The following RGS7 variants were observed in gnomAD, a reference collection of about 807,000 sequenced individuals.
RGS7 encodes regulator of G protein signaling 7, also known as regulator of G-protein signaling 7.
A neutral mutation model predicts 81.1 loss-of-function variants in RGS7; 27 were observed. That is an observed-to-expected ratio of 0.33 (90% CI 0.25 to 0.46). RGS7 has a LOEUF of 0.46. Ranked by LOEUF, RGS7 falls within the 20% of genes least tolerant of loss-of-function variation. RGS7 has a pLI of 1.00. For synonymous variants in RGS7, 208 were observed against 207.7 expected (o/e 1.00, Z -0.01); for missense variants, 396 against 607.4 (o/e 0.65, Z 3.66).
At chr1:241,321,255 T>C (rs1241752775) in intron 2 of RGS7, among the ~76,000 whole-genome samples, 3 of 152,218 alleles carry the variant, frequency 2.0e-5, no homozygotes, top group African/African-American at 7.2e-5. Flanking sequence ...CACTTTTAGA[T>C]ATCTCAAATT....
chr1:241,246,506 G>A (rs931207466), intron 2 of RGS7, among the ~76,000 whole-genome samples: 2 of 152,100 alleles, frequency 1.3e-5, no homozygotes, highest in African/African-American at 4.8e-5. Flanking sequence ...GTACTAATAC[G>A]AAGTTTAAGA....
chr1:241,079,315 G>A (rs574858869), intron 3 of RGS7, among the ~76,000 whole-genome samples: 1 of 152,296 alleles, frequency 6.6e-6, no homozygotes, highest in South Asian at 2.1e-4. Context: ...TGTCTACTGT[G>A]TGCCAAACAC....
chr1:241,265,448 GT>G (rs11296708), intron 2 of RGS7, among the ~76,000 whole-genome samples: 129,098 of 152,108 alleles, frequency 0.85, 54,972 homozygotes, highest in East Asian at 1. Context: ...ACAGAGGAAG[GT>G]TTTTCTGTAG....
At chr1:241,284,054 CATTGCTT>C (rs979709442) in intron 2 of RGS7, among the ~76,000 whole-genome samples, 1 of 152,122 alleles carries the variant, frequency 6.6e-6, no homozygotes, top group Non-Finnish European at 1.5e-5. Flanking sequence ...AGTGTGTTTG[CATTGCTT>C]ATTGAATCAT....
chr1:240,921,836 C>T (rs78175397), intron 6 of RGS7, among the ~76,000 whole-genome samples: 2,001 of 152,082 alleles, frequency 0.013, 33 homozygotes, highest in African/African-American at 0.044. Context: ...TCCAACTTGA[C>T]CTGTGAATTC....
intron 2 of RGS7, among the ~76,000 whole-genome samples, chr1:241,353,832 T>C (rs1264893450): frequency 6.6e-6 from 1 of 151,996 alleles, no homozygotes; most frequent in Non-Finnish European, 1.5e-5. Flanking sequence ...CAACACTGTG[T>C]AGAGTAAACC....
At chr1:241,141,222 G>A (rs2067898245) in intron 2 of RGS7, among the ~76,000 whole-genome samples, 1 of 152,104 alleles carries the variant, frequency 6.6e-6, no homozygotes, top group South Asian at 2.1e-4. Flanking sequence ...GTGAGGGGAA[G>A]AAAGGAATAA....
chr1:241,061,504 G>A (rs894214554), intron 3 of RGS7, among the ~76,000 whole-genome samples: 2 of 152,012 alleles, frequency 1.3e-5, no homozygotes, highest in Non-Finnish European at 2.9e-5. Flanking sequence ...TATTATGTGG[G>A]GTTACACAAT....
At chr1:240,906,713 C>T (rs1232985837) in intron 6 of RGS7, among the ~76,000 whole-genome samples, 1 of 152,154 alleles carries the variant, frequency 6.6e-6, no homozygotes, top group Non-Finnish European at 1.5e-5. Context: ...AACCAGAAAG[C>T]AACAGCAGGG....
At chr1:241,232,682 A>T (rs2075733189) in intron 2 of RGS7, among the ~76,000 whole-genome samples, 1 of 151,894 alleles carries the variant, frequency 6.6e-6, no homozygotes, top group Non-Finnish European at 1.5e-5. Flanking sequence ...TGGAAAAAAA[A>T]AAAAAGGCCT....
intron 6 of RGS7, among the ~76,000 whole-genome samples, chr1:240,892,946 G>A (rs1668500966): frequency 6.6e-6 from 1 of 151,926 alleles, no homozygotes; most frequent in Non-Finnish European, 1.5e-5. Flanking sequence ...AGCTAAATGT[G>A]TTGCAACTAG....
At chr1:240,789,118 C>T (rs1226693029) in intron 18 of RGS7, among the ~76,000 whole-genome samples, 3 of 152,200 alleles carry the variant, frequency 2.0e-5, no homozygotes, top group Non-Finnish European at 2.9e-5. Context: ...CAAATTAATA[C>T]TTTTATAATT....
At chr1:240,928,712 G>A (rs1052458069) in intron 6 of RGS7, among the ~76,000 whole-genome samples, 9 of 150,286 alleles carry the variant, frequency 6.0e-5, no homozygotes, top group Admixed American at 5.3e-4. Context: ...AGGTTCAAGC[G>A]ATTCTCCTGC....
At chr1:241,125,509 C>T (rs998750824) in intron 2 of RGS7, among the ~76,000 whole-genome samples, 1 of 152,286 alleles carries the variant, frequency 6.6e-6, no homozygotes, top group Non-Finnish European at 1.5e-5. Context: ...CTCCTCTGCT[C>T]TCCCACAGAA....
At chr1:241,261,629 A>G (rs1330368050) in intron 2 of RGS7, among the ~76,000 whole-genome samples, 2 of 101,702 alleles carry the variant, frequency 2.0e-5, no homozygotes, top group African/African-American at 6.3e-5. Context: ...ACTCTGTCTC[A>G]AAAAAAAAAA....
At chr1:240,854,185 A>G (rs1572425438) in intron 9 of RGS7, among the ~76,000 whole-genome samples, 1 of 152,182 alleles carries the variant, frequency 6.6e-6, no homozygotes, top group African/African-American at 2.4e-5. Flanking sequence ...AAAGAGAATC[A>G]GGCATTAATT....
intron 2 of RGS7, among the ~76,000 whole-genome samples, chr1:241,214,949 T>C (rs996701334): frequency 1.3e-5 from 2 of 152,242 alleles, no homozygotes; most frequent in African/African-American, 4.8e-5. Context: ...TTTTTTCCTA[T>C]GGATTCTTTA....
At chr1:241,228,456 T>C (rs2075455109) in intron 2 of RGS7, among the ~76,000 whole-genome samples, 1 of 152,202 alleles carries the variant, frequency 6.6e-6, no homozygotes, top group African/African-American at 2.4e-5. Flanking sequence ...AAATGTTATA[T>C]TATCTATCTA....
intron 2 of RGS7, among the ~76,000 whole-genome samples, chr1:241,127,028 T>C (rs972724188): frequency 2.6e-5 from 4 of 152,096 alleles, no homozygotes; most frequent in Non-Finnish European, 4.4e-5. Context: ...GAAGATAAAT[T>C]TGGCCTTAGC....
Sources: allele counts gnomAD v4.1 joint callset (sites outside exome capture counted in the v4.1 genomes callset), GRCh38; gene constraint gnomAD v4.1.1; transcripts MANE v1.5; gene names NCBI Gene and HGNC (gene_info 2026-07-23, HGNC 2026-07-21).